RFX4: variants seen among roughly 807,000 people sequenced by gnomAD.
The protein encoded by RFX4 is regulatory factor X4.
Under a neutral mutation model 95.0 loss-of-function variants are expected in RFX4, and 10 were observed. That is an observed-to-expected ratio of 0.11 (90% CI 0.06 to 0.18). The LOEUF is 0.18. Ranked by LOEUF, RFX4 falls within the 10% of genes least tolerant of loss-of-function variation. The pLI, the probability that RFX4 is intolerant of heterozygous loss-of-function variation, is 1.00. For synonymous variants in RFX4, 321 were observed against 340.7 expected (o/e 0.94, Z 0.64); for missense variants, 640 against 922.0 (o/e 0.69, Z 3.96).
intron 3 of RFX4, among the ~76,000 whole-genome samples, chr12:106,650,180 T>C (rs1565964296): frequency 6.6e-6 from 1 of 152,232 alleles, no homozygotes; most frequent in East Asian, 1.9e-4. Context: ...TCAATTTAAA[T>C]AATCATATGC....
At chr12:106,710,364 T>C (rs1178087545) in intron 9 of RFX4, among the ~76,000 whole-genome samples, 2 of 152,164 alleles carry the variant, frequency 1.3e-5, no homozygotes, top group Non-Finnish European at 1.5e-5. Flanking sequence ...TCTCAGCTCT[T>C]TTCTTTTCAT....
intron 3 of RFX4, among the ~76,000 whole-genome samples, chr12:106,647,384 G>A (rs973770824): frequency 2.6e-5 from 4 of 152,192 alleles, no homozygotes; most frequent in African/African-American, 4.8e-5. Context: ...CTAGGGCATA[G>A]TGTTTACTCA....
intron 15 of RFX4, among the ~76,000 whole-genome samples, chr12:106,739,125 C>CAGAA (rs55743965): frequency 0.035 from 5,224 of 149,146 alleles, 121 homozygotes; most frequent in South Asian, 0.071. Flanking sequence ...GGACCAAAAC[C>CAGAA]AGAAAGAAAG....
In RFX4 at chr12:106,597,151, C is replaced by T. The variant is rs149292124; in HGVS notation, c.44-11646C>T. The stretch of plus-strand genomic sequence containing the variant: ...TCTGCTATTCTGGGCCAAGGGCTGT[C>T]CTAAATACAACGAATAGTGGGTGAA... On this transcript the variant is annotated intron_variant, in intron 1 of 17. Coordinates refer to ENST00000392842, the MANE Select transcript of RFX4 (RefSeq NM_213594.3). 1.5e-3 allele frequency among the ~76,000 whole-genome samples: 225 copies of T among 152,284 alleles called. 1 individual carries two copies. The highest frequency in any genetic ancestry group is 5.0e-3 in the African/African-American group (207 of 41,546).
At position 106,643,459 on chromosome 12, in the gene RFX4, T is replaced by C. The variant is rs76143375; in HGVS notation, c.191+4067T>C. On this transcript the variant is annotated intron_variant, in intron 3 of 17. Coordinates refer to ENST00000392842, the MANE Select transcript of RFX4 (RefSeq NM_213594.3). The stretch of plus-strand genomic sequence containing the variant: ...CATTAAACTTAGATAGGAACAGTCA[T>C]GCTTAAAACGGTGTGGAGAACATGT... 5.4e-4 allele frequency among the ~76,000 whole-genome samples: 82 copies of C among 152,350 alleles called. 1 individual carries two copies. Among genetic ancestry groups the C allele is most frequent in the African/African-American group, 1.8e-3 (76 of 41,574 alleles).
At chr12:106,652,331 G>A (rs1220500839) in intron 3 of RFX4, among the ~76,000 whole-genome samples, 2 of 152,174 alleles carry the variant, frequency 1.3e-5, no homozygotes, top group South Asian at 2.1e-4. Context: ...CTGTATGCAA[G>A]CATGGACTAT....
rs2042916544 is a variant in RFX4 at position 106,747,441 on chromosome 12, A to C, written c.1638A>C (p.Ala546=). Residue 546 remains alanine, a synonymous_variant, in exon 16 of 18, where the codon GCA becomes GCC. Coordinates refer to ENST00000392842, the MANE Select transcript of RFX4 (RefSeq NM_213594.3). ...PEYTGLSTTG[A]MQSYTWSLTY... ...CGTCTTAATTTGTCTCTGCAGGAGC[A>C]ATGCAGTCTTACACGTGGTCTCTAA... The C allele has an allele frequency of 1.2e-6, 2 of 1,613,928 alleles. No individual in the cohort carries two copies. Among genetic ancestry groups the C allele is most frequent in the Non-Finnish European group, 1.7e-6 (2 of 1,179,828 alleles).
At chr12:106,749,615 A>G (rs906379342) in intron 16 of RFX4, among the ~76,000 whole-genome samples, 5 of 152,230 alleles carry the variant, frequency 3.3e-5, no homozygotes, top group Non-Finnish European at 4.4e-5. Context: ...AAATACTCAC[A>G]TGGTCATAGG....
intron 2 of RFX4, among the ~76,000 whole-genome samples, chr12:106,630,551 G>A (rs991312843): frequency 5.9e-5 from 9 of 152,210 alleles, no homozygotes; most frequent in African/African-American, 2.2e-4. Context: ...CCTTTGCAGG[G>A]GCTGGAAACG....
intron 1 of RFX4, among the ~76,000 whole-genome samples, chr12:106,588,928 A>C (rs957195034): frequency 6.6e-6 from 1 of 152,176 alleles, no homozygotes; most frequent in Non-Finnish European, 1.5e-5. Flanking sequence ...CTTTTCCAAA[A>C]AGGCTGAGAA....
In RFX4 at chr12:106,613,331, T is replaced by G. The variant is rs565680720; in HGVS notation, c.130+4448T>G. Among the ~76,000 whole-genome samples, 8 of 151,296 alleles carry G rather than the reference T, an allele frequency of 5.3e-5. No individual in the cohort carries two copies. In the South Asian group the frequency reaches 1.3e-3, roughly 24 times the overall value. On this transcript the variant is annotated intron_variant, in intron 2 of 17. Transcript: ENST00000392842. ...GTCCTTTTACTATGCTGCTGAATTC[T>G]GTTTGTTAGTATTTTGCTGAGGATT...
rs2039401324 is a variant in RFX4 at position 106,583,373 on chromosome 12, A to G, written c.43+10A>G. ...GACATGGATTCCACAGGTTAGTCCT[A>G]CTGGCGGGGTTGGGGGGATACATTG... On this transcript the variant is annotated intron_variant, in intron 1 of 17. Coordinates refer to ENST00000392842, the MANE Select transcript of RFX4 (RefSeq NM_213594.3). 3 of 1,570,008 alleles carry G rather than the reference A, an allele frequency of 1.9e-6. No individual in the cohort carries two copies. Among genetic ancestry groups the G allele is most frequent in the African/African-American group, 1.4e-5 (1 of 71,964 alleles).
At chr12:106,605,398 C>T (rs1043450620) in intron 1 of RFX4, among the ~76,000 whole-genome samples, 5 of 152,198 alleles carry the variant, frequency 3.3e-5, no homozygotes, top group East Asian at 1.9e-4. Context: ...AGATGCCACT[C>T]CTAAGGGCTC....
intron 1 of RFX4, among the ~76,000 whole-genome samples, chr12:106,597,971 C>T (rs1262416798): frequency 6.6e-6 from 1 of 152,200 alleles, no homozygotes; most frequent in East Asian, 1.9e-4. Context: ...GTGGCTAGAA[C>T]TTGCTCTGGT....
rs17038600 is a variant in RFX4, at chr12:106,647,434, C to T, written c.192-6794C>T. On this transcript the variant is annotated intron_variant, in intron 3 of 17. Transcript: ENST00000392842. ...TGATAGCCAATATGAACATCCCTAGCGCAGGGTAGGCACTTGAAAATATAA... is the reference window on the plus strand; with the variant it reads ...TGATAGCCAATATGAACATCCCTAGTGCAGGGTAGGCACTTGAAAATATAA... Among the ~76,000 whole-genome samples, 1,107 of 152,218 alleles carry T rather than the reference C, an allele frequency of 7.3e-3. 14 individuals are homozygous for T. Among genetic ancestry groups the T allele is most frequent in the African/African-American group, 0.026 (1,060 of 41,524 alleles).
chr12:106,626,925 C>CG (rs2040313019), intron 2 of RFX4, among the ~76,000 whole-genome samples: 1 of 152,094 alleles, frequency 6.6e-6, no homozygotes, highest in Admixed American at 6.5e-5. Context: ...ATTCCCTCCA[C>CG]GAGGTATCAG....
At chr12:106,670,752 T>C (rs568896622) in intron 4 of RFX4, among the ~76,000 whole-genome samples, 1 of 152,352 alleles carries the variant, frequency 6.6e-6, no homozygotes, top group African/African-American at 2.4e-5. Flanking sequence ...ACACTCATTT[T>C]AAGATGGAAG....
intron 2 of RFX4, among the ~76,000 whole-genome samples, chr12:106,633,855 A>G (rs936515064): frequency 1.3e-5 from 2 of 152,218 alleles, no homozygotes; most frequent in African/African-American, 4.8e-5. Flanking sequence ...GACCACATGC[A>G]TCTTCCCTGG....
intron 4 of RFX4, chr12:106,662,177 A>G (rs1251251935): frequency 4.8e-6 from 2 of 414,282 alleles, no homozygotes; most frequent in Admixed American, 5.3e-5. Context: ...TTGCATTCCC[A>G]CAGCAATAAA....
Sources: gnomAD v4.1 joint callset for allele counts (sites outside exome capture counted in the v4.1 genomes callset) on GRCh38, gnomAD v4.1.1 for gene constraint, MANE v1.5 for transcripts, NCBI Gene and HGNC (gene_info 2026-07-23, HGNC 2026-07-21) for gene names.